Variants in LRRIQ1 observed in about 807,000 individuals in gnomAD.
The protein encoded by LRRIQ1 is leucine-rich repeat- and IQ domain-containing protein 1.
A neutral mutation model predicts 211.9 loss-of-function variants in LRRIQ1; 210 were observed. The ratio of observed to expected loss-of-function variants is 0.99; its 90% CI spans 0.89 to 1.11. The LOEUF (loss-of-function observed/expected upper bound fraction) is 1.11. Ranked by LOEUF, LRRIQ1 falls within the 50% of genes most tolerant of loss-of-function variation. The probability of loss-of-function intolerance (pLI) is 0.00; values close to 1 mark genes in which losing one functional copy is unlikely to be tolerated. For synonymous variants in LRRIQ1, 699 were observed against 650.1 expected, an observed-to-expected ratio of 1.08 and a Z score of -1.14; for missense variants, 2,136 against 1,939.5, an observed-to-expected ratio of 1.10 and a Z score of -1.90.
chr12:85,191,862 AT>A (rs1477329595), intron 24 of LRRIQ1, among the ~76,000 whole-genome samples: 2 of 151,902 alleles, frequency 1.3e-5, no homozygotes, highest in African/African-American at 4.8e-5. Context: ...CAATTCCTTA[AT>A]GACATATGAT....
At chr12:85,126,936 T>G (rs1888408733) in intron 17 of LRRIQ1, among the ~76,000 whole-genome samples, 1 of 152,140 alleles carries the variant, frequency 6.6e-6, no homozygotes, top group Non-Finnish European at 1.5e-5. Context: ...ATTTGGCAAT[T>G]ATAAAATTAT....
At chr12:85,137,283 T>C (rs1038413084) in intron 18 of LRRIQ1, among the ~76,000 whole-genome samples, 17 of 151,400 alleles carry the variant, frequency 1.1e-4, no homozygotes, top group Non-Finnish European at 8.9e-5. Context: ...ATCCATTTTT[T>C]ACAAGCTACA....
chr12:85,166,047 T>G (rs1193928258), intron 24 of LRRIQ1, among the ~76,000 whole-genome samples: 1 of 152,216 alleles, frequency 6.6e-6, no homozygotes, highest in Non-Finnish European at 1.5e-5. Context: ...AATTTTCAGA[T>G]ATATGAGAAC....
chr12:85,166,108 C>A (rs1343169318), intron 24 of LRRIQ1, among the ~76,000 whole-genome samples: 1 of 152,114 alleles, frequency 6.6e-6, no homozygotes, highest in African/African-American at 2.4e-5. Flanking sequence ...TTTATTTATA[C>A]ATAAATTAAG....
At chr12:85,204,975 CA>C (rs1338731108) in intron 24 of LRRIQ1, among the ~76,000 whole-genome samples, 1 of 152,094 alleles carries the variant, frequency 6.6e-6, no homozygotes, top group African/African-American at 2.4e-5. Flanking sequence ...AATCTCATCT[CA>C]AATTGTACTC....
chr12:85,204,154 A>G (rs1381454448), intron 24 of LRRIQ1, among the ~76,000 whole-genome samples: 1 of 152,218 alleles, frequency 6.6e-6, no homozygotes, highest in Non-Finnish European at 1.5e-5. Flanking sequence ...CAGATGGTGC[A>G]AGCCCCAAAC....
At position 85,205,079 on chromosome 12, in the gene LRRIQ1, G is replaced by A. The variant is rs370238203; in HGVS notation, c.4823-24438G>A. On this transcript the variant is annotated intron_variant, in intron 24 of 26. Coordinates refer to ENST00000393217, the MANE Select transcript of LRRIQ1 (RefSeq NM_001079910.2). ...TCTCTTGGTAGTGGATAAGTCTCAC[G>A]AGGTCTGATGGTTTTATCAGGAGTT... 2.8e-4 allele frequency among the ~76,000 whole-genome samples: 43 copies of A among 152,186 alleles called. No homozygotes were observed. The South Asian group carries it at 8.5e-3, about 30-fold the overall frequency.
At chr12:85,260,999 G>C (rs1380726214) in intron 1 of LRRIQ1, among the ~76,000 whole-genome samples, 1 of 152,154 alleles carries the variant, frequency 6.6e-6, no homozygotes, top group Non-Finnish European at 1.5e-5. Context: ...ATAGAGAGTA[G>C]CTCAGCGTAG....
intron 1 of LRRIQ1, among the ~76,000 whole-genome samples, chr12:85,256,303 T>C (rs1896089479): frequency 6.6e-6 from 1 of 151,778 alleles, no homozygotes; most frequent in Non-Finnish European, 1.5e-5. Context: ...ATGATGTTTC[T>C]AACTGTAATA....
At chr12:85,045,106 A>T (rs1044347368) in intron 4 of LRRIQ1, among the ~76,000 whole-genome samples, 3 of 152,094 alleles carry the variant, frequency 2.0e-5, no homozygotes, top group African/African-American at 7.2e-5. Flanking sequence ...TTGTCTAAAA[A>T]TTCTGAGGAA....
chr12:85,130,715 A>G (rs894766902), intron 18 of LRRIQ1, among the ~76,000 whole-genome samples: 4 of 152,306 alleles, frequency 2.6e-5, no homozygotes, highest in African/African-American at 9.6e-5. Context: ...TAGACTGCCT[A>G]AACATTCTGA....
intron 24 of LRRIQ1, among the ~76,000 whole-genome samples, chr12:85,184,253 A>G (rs1481110046): frequency 6.6e-6 from 1 of 152,066 alleles, no homozygotes; most frequent in Non-Finnish European, 1.5e-5. Context: ...ATTTAAAACT[A>G]TGAAATCATT....
chr12:85,126,759 A>G (rs1472348640), intron 17 of LRRIQ1, among the ~76,000 whole-genome samples: 1 of 152,156 alleles, frequency 6.6e-6, no homozygotes, highest in African/African-American at 2.4e-5. Context: ...AGTAATACCG[A>G]TAATAAGCCA....
intron 24 of LRRIQ1, among the ~76,000 whole-genome samples, chr12:85,218,827 G>C (rs1894271971): frequency 1.3e-5 from 2 of 152,084 alleles, no homozygotes; most frequent in Non-Finnish European, 2.9e-5. Flanking sequence ...GACAGGGACA[G>C]AATTAGTATT....
At chr12:85,097,679 T>C (rs1886010378) in intron 11 of LRRIQ1, among the ~76,000 whole-genome samples, 1 of 152,160 alleles carries the variant, frequency 6.6e-6, no homozygotes, top group South Asian at 2.1e-4. Flanking sequence ...AAGAACATTT[T>C]CTAGATTTTT....
chr12:85,147,000 A>G (rs1889935948), intron 19 of LRRIQ1, among the ~76,000 whole-genome samples: 1 of 151,752 alleles, frequency 6.6e-6, no homozygotes, highest in Non-Finnish European at 1.5e-5. Flanking sequence ...TTTGGGAGAG[A>G]GCCATGCTCA....
intron 26 of LRRIQ1, among the ~76,000 whole-genome samples, chr12:85,241,572 A>G (rs1275433336): frequency 1.3e-5 from 2 of 151,978 alleles, no homozygotes; most frequent in African/African-American, 2.4e-5. Context: ...TAGATCTCAC[A>G]TATATAATGT....
At chr12:85,063,046 GTTAT>G (rs1162304021) in intron 8 of LRRIQ1, among the ~76,000 whole-genome samples, 1 of 151,630 alleles carries the variant, frequency 6.6e-6, no homozygotes, top group Non-Finnish European at 1.5e-5. Flanking sequence ...TCTTCATGGG[GTTAT>G]TTGCTTTTTA....
chr12:85,129,918 G>A (rs1333392794), intron 18 of LRRIQ1, among the ~76,000 whole-genome samples: 4 of 152,108 alleles, frequency 2.6e-5, no homozygotes, highest in Middle Eastern at 3.2e-3. Flanking sequence ...ACGTCAGCAC[G>A]GACCCGAGTA....
Sources: gnomAD v4.1 joint callset for allele counts (sites outside exome capture counted in the v4.1 genomes callset) on GRCh38, gnomAD v4.1.1 for gene constraint, MANE v1.5 for transcripts, NCBI Gene and HGNC (gene_info 2026-07-23, HGNC 2026-07-21) for gene names.